Variants in LINGO1 observed in about 807,000 individuals in gnomAD.
LINGO1 encodes the protein leucine rich repeat and Ig domain containing 1, also known as leucine-rich repeat and immunoglobulin-like domain-containing nogo receptor-interacting protein 1.
LINGO1 carries 11 observed loss-of-function variants against 37.3 expected under a neutral mutation model. The ratio of observed to expected loss-of-function variants is 0.29; its 90% CI spans 0.19 to 0.49. The LOEUF (loss-of-function observed/expected upper bound fraction) is 0.49, where lower values mean the gene tolerates loss of function less well. LINGO1 is among the 20% of genes least tolerant of loss of function. The pLI is 0.99. For missense variants in LINGO1, 585 were observed against 878.2 expected (o/e 0.67, Z 4.22); for synonymous variants, 387 against 403.0 (o/e 0.96, Z 0.48).
At chr15:77,657,575 C>T (rs1474850140) in intron 3 of LINGO1, among the ~76,000 whole-genome samples, 1 of 152,208 alleles carries the variant, frequency 6.6e-6, no homozygotes, top group African/African-American at 2.4e-5. Context: ...TAGGAGCACA[C>T]AGATGGGGCC....
At chr15:77,636,523 T>A (rs1403313245), upstream of LINGO1, among the ~76,000 whole-genome samples, 3 of 150,316 alleles carry the variant, frequency 2.0e-5, no homozygotes, top group Admixed American at 2.0e-4. Flanking sequence ...GGGAGTGAGG[T>A]GGAGCCAGCA....
chr15:77,786,108 G>A (rs967192239), intron 1 of LINGO1, among the ~76,000 whole-genome samples: 2 of 152,124 alleles, frequency 1.3e-5, no homozygotes, highest in Non-Finnish European at 2.9e-5. Flanking sequence ...GGCTGAGACA[G>A]GAACCAGCAC....
chr15:77,657,298 T>C (rs2074886443), intron 3 of LINGO1, among the ~76,000 whole-genome samples: 1 of 150,690 alleles, frequency 6.6e-6, no homozygotes, highest in African/African-American at 2.4e-5. Context: ...TGGGGCATCT[T>C]GAAAGAACCA....
chr15:77,668,691 G>A (rs1333393118), intron 3 of LINGO1, among the ~76,000 whole-genome samples: 1 of 151,556 alleles, frequency 6.6e-6, no homozygotes, highest in South Asian at 2.1e-4. Context: ...ACACACAGAA[G>A]CACAGCCCCA....
intron 1 of LINGO1, 148 bp from the exon 2 acceptor site, chr15:77,616,048 G>A (rs2073709025): frequency 1.9e-6 from 1 of 536,430 alleles, no homozygotes; most frequent in Non-Finnish European, 3.1e-6. Context: ...CCAGGCCAGA[G>A]GGCCTCTGGC....
chr15:77,682,682 C>A (rs1049002437), intron 2 of LINGO1, among the ~76,000 whole-genome samples: 1 of 152,122 alleles, frequency 6.6e-6, no homozygotes, highest in African/African-American at 2.4e-5. Context: ...TCTCCCCACC[C>A]CCTTCTGGGC....
chr15:77,705,472 C>A (rs2075841163), intron 2 of LINGO1, among the ~76,000 whole-genome samples: 3 of 152,290 alleles, frequency 2.0e-5, no homozygotes, highest in South Asian at 4.1e-4. Flanking sequence ...CTCTTTCTAC[C>A]CAGTCCTCTG....
At chr15:77,726,528 T>G (rs755368229) in intron 2 of LINGO1, among the ~76,000 whole-genome samples, 1 of 152,258 alleles carries the variant, frequency 6.6e-6, no homozygotes, top group Non-Finnish European at 1.5e-5. Flanking sequence ...CTGCTCAGTT[T>G]CTGGATTTCC....
intron 3 of LINGO1, among the ~76,000 whole-genome samples, chr15:77,639,686 A>T (rs991158620): frequency 2.0e-5 from 3 of 152,220 alleles, no homozygotes; most frequent in Non-Finnish European, 2.9e-5. Context: ...AGGTGATCTC[A>T]TAAACACGAT....
intron 1 of LINGO1, among the ~76,000 whole-genome samples, chr15:77,783,433 C>T (rs1487638582): frequency 1.3e-5 from 2 of 152,106 alleles, no homozygotes; most frequent in Non-Finnish European, 2.9e-5. Context: ...GTCTCCTGCC[C>T]CTACCTTGGT....
chr15:77,808,401 T>G (rs114233230), intron 1 of LINGO1, among the ~76,000 whole-genome samples: 312 of 152,228 alleles, frequency 2.0e-3, no homozygotes, highest in African/African-American at 7.3e-3. Context: ...GTGAGGCAGG[T>G]TTGAGGATCT....
chr15:77,707,288 G>T (rs2075864705), intron 2 of LINGO1: 1 of 152,168 alleles, frequency 6.6e-6, no homozygotes. Flanking sequence ...AAAGAAAAGG[G>T]TCTCCACGGT....
upstream of LINGO1, among the ~76,000 whole-genome samples, chr15:77,634,122 G>A (rs547042179): frequency 6.6e-6 from 1 of 152,268 alleles, no homozygotes; most frequent in East Asian, 1.9e-4. Context: ...GCAGACGCTG[G>A]AATCCCAGTT....
intron 1 of LINGO1, among the ~76,000 whole-genome samples, chr15:77,736,947 C>G (rs1291231598): frequency 6.6e-6 from 1 of 152,206 alleles, no homozygotes; most frequent in Non-Finnish European, 1.5e-5. Context: ...ACTGTCACAG[C>G]TGAGCTTTCA....
chr15:77,659,931 G>A (rs1455553921), intron 3 of LINGO1: 1 of 152,262 alleles, frequency 6.6e-6, no homozygotes, highest in Non-Finnish European at 1.5e-5. Context: ...AAGACCTCCT[G>A]GTGGAGAGGA....
intron 2 of LINGO1, among the ~76,000 whole-genome samples, chr15:77,731,861 C>T (rs2076157327): frequency 6.6e-6 from 1 of 152,186 alleles, no homozygotes; most frequent in Admixed American, 6.5e-5. Context: ...CCCTGGCAGC[C>T]CTCAGTAACT....
chr15:77,717,413 T>A (rs984898147), intron 2 of LINGO1, among the ~76,000 whole-genome samples: 2 of 150,676 alleles, frequency 1.3e-5, no homozygotes, highest in Non-Finnish European at 3.0e-5. Flanking sequence ...GCCACATGCA[T>A]GTAGGAGCCA....
Position 77,614,305 on chromosome 15 carries a change from G to A in LINGO1, c.1602C>T (p.Asn534=), listed in dbSNP as rs1314737333. 1.2e-6 allele frequency: 2 copies of A among 1,614,036 alleles called. No homozygotes were observed. The highest frequency in any genetic ancestry group is 1.7e-6 in the Non-Finnish European group (2 of 1,179,902). ...TGTTGGCCTCTCCCTCGCCCGGCTGGTTGGAGATGAAAGCGAAGGTCTTGT... is the reference window on the plus strand; with the variant it reads ...TGTTGGCCTCTCCCTCGCCCGGCTGATTGGAGATGAAAGCGAAGGTCTTGT... ...QPNKTFAFIS[N]QPGEGEANST... is the part of the protein sequence containing the mutation. Residue 534 remains asparagine, a synonymous_variant, in exon 2 of 2, where the codon AAC becomes AAT. Coordinates refer to ENST00000355300, the MANE Select transcript of LINGO1 (RefSeq NM_032808.7).
At chr15:77,695,387 G>T (rs895744222) in intron 1 of LINGO1, among the ~76,000 whole-genome samples, 1 of 152,072 alleles carries the variant, frequency 6.6e-6, no homozygotes, top group Non-Finnish European at 1.5e-5. Context: ...AATGGACATG[G>T]GAACCCTGCA....
Sources: gnomAD v4.1 joint callset for allele counts (sites outside exome capture counted in the v4.1 genomes callset) on GRCh38, gnomAD v4.1.1 for gene constraint, MANE v1.5 for transcripts, NCBI Gene and HGNC (gene_info 2026-07-23, HGNC 2026-07-21) for gene names.